VAV3: variants seen among roughly 807,000 people sequenced by gnomAD.
VAV3 encodes the protein guanine nucleotide exchange factor VAV3.
VAV3 carries 94 observed loss-of-function variants against 131.2 expected under a neutral mutation model. The observed-to-expected ratio is 0.72, with a 90% CI of 0.61 to 0.85. VAV3 has a LOEUF of 0.85. Ranked by LOEUF, VAV3 falls within the 40% of genes least tolerant of loss-of-function variation. The pLI is 0.00. For synonymous variants in VAV3, 349 were observed against 342.0 expected (o/e 1.02, Z -0.22); for missense variants, 939 against 1,002.7 (o/e 0.94, Z 0.86).
chr1:107,693,040 C>T (rs141577069), intron 17 of VAV3, among the ~76,000 whole-genome samples: 29 of 152,200 alleles, frequency 1.9e-4, no homozygotes, highest in East Asian at 1.5e-3. Context: ...ATTAGACCTT[C>T]GCGGTGGTGT....
At chr1:107,624,402 G>C (rs1162977136) in intron 20 of VAV3, among the ~76,000 whole-genome samples, 2 of 151,180 alleles carry the variant, frequency 1.3e-5, no homozygotes, top group Admixed American at 1.3e-4. Flanking sequence ...GTGTGTGTGT[G>C]TGTGTGTGTG....
chr1:107,946,936 T>C (rs1007467800), intron 1 of VAV3, among the ~76,000 whole-genome samples: 25 of 152,308 alleles, frequency 1.6e-4, no homozygotes, highest in African/African-American at 5.1e-4. Flanking sequence ...AGGCAGGAAT[T>C]TGTCATACTT....
At chr1:107,835,588 C>CA (rs1668440354) in intron 2 of VAV3, among the ~76,000 whole-genome samples, 1 of 152,182 alleles carries the variant, frequency 6.6e-6, no homozygotes, top group Admixed American at 6.5e-5. Context: ...GAACACTTAA[C>CA]AGCCCAATGA....
At chr1:107,688,317 G>A (rs754544722) in intron 18 of VAV3, 64 bp downstream of exon 18, 276 of 1,566,998 alleles carry the variant, frequency 1.8e-4, no homozygotes, top group Non-Finnish European at 2.3e-4. Flanking sequence ...GCCCAAGCCT[G>A]GTTAAGTTAG....
rs1654620385 is a variant in VAV3, at chr1:107,633,015, G to T, written c.1914+9604C>A. ...TCTTTTTGTCTAGAAAGAATAGGAG[G>T]CAGTAGTATTTAGTAAAAAATGGCA... On this transcript the variant is annotated intron_variant, in intron 20 of 26. Transcript: ENST00000370056. Among the ~76,000 whole-genome samples the T allele has an allele frequency of 1.3e-5, 2 of 152,274 alleles. 1 individual carries two copies. Among genetic ancestry groups the T allele is most frequent in the Middle Eastern group, 6.8e-3 (2 of 294 alleles).
At chr1:107,740,872 A>G (rs1300667410) in intron 15 of VAV3, among the ~76,000 whole-genome samples, 4 of 152,244 alleles carry the variant, frequency 2.6e-5, no homozygotes, top group African/African-American at 9.6e-5. Context: ...GACAGATACC[A>G]TATGGCCCAC....
At chr1:107,880,796 C>CAA (rs750966707) in intron 1 of VAV3, among the ~76,000 whole-genome samples, 6 of 86,546 alleles carry the variant, frequency 6.9e-5, no homozygotes, top group African/African-American at 1.1e-4. Context: ...ATTCTGTCTC[C>CAA]AAAAAAAAAA....
chr1:107,804,478 G>A (rs546428206), intron 2 of VAV3, among the ~76,000 whole-genome samples: 2 of 152,242 alleles, frequency 1.3e-5, no homozygotes, highest in African/African-American at 2.4e-5. Context: ...ATTTTACAGA[G>A]ATGACAACTT....
chr1:107,801,491 C>A (rs1165489399), intron 2 of VAV3, among the ~76,000 whole-genome samples: 2 of 152,008 alleles, frequency 1.3e-5, no homozygotes, highest in Non-Finnish European at 2.9e-5. Flanking sequence ...TGAACTGCAA[C>A]CTGAATTAAT....
chr1:107,944,482 T>C (rs1413040521), intron 1 of VAV3, among the ~76,000 whole-genome samples: 1 of 152,236 alleles, frequency 6.6e-6, no homozygotes, highest in Non-Finnish European at 1.5e-5. Context: ...ACCTCTCTTA[T>C]AACCTGAATT....
chr1:107,955,993 A>G (rs1674790500), intron 1 of VAV3, among the ~76,000 whole-genome samples: 1 of 152,288 alleles, frequency 6.6e-6, no homozygotes, highest in African/African-American at 2.4e-5. Context: ...ACATCAAATG[A>G]AGGGAACAAC....
chr1:107,847,335 CGCCA>C (rs1669015383), intron 2 of VAV3, among the ~76,000 whole-genome samples: 2 of 152,020 alleles, frequency 1.3e-5, no homozygotes, highest in South Asian at 4.2e-4. Flanking sequence ...GATCTAAAAT[CGCCA>C]CCCTAATATC....
At chr1:107,635,010 A>C (rs1264783291) in intron 20 of VAV3, among the ~76,000 whole-genome samples, 1 of 151,780 alleles carries the variant, frequency 6.6e-6, no homozygotes, top group African/African-American at 2.4e-5. Flanking sequence ...GAACACTTTT[A>C]CACTGTTGGT....
At chr1:107,689,148 T>C (rs966271243) in intron 17 of VAV3, among the ~76,000 whole-genome samples, 1 of 152,120 alleles carries the variant, frequency 6.6e-6, no homozygotes, top group African/African-American at 2.4e-5. Context: ...CTTGGAAAAC[T>C]GGTGGGCAGC....
chr1:107,944,329 C>A (rs1674145918), intron 1 of VAV3, among the ~76,000 whole-genome samples: 1 of 152,160 alleles, frequency 6.6e-6, no homozygotes, highest in Admixed American at 6.5e-5. Flanking sequence ...CCACTGCCAT[C>A]TTTGCAGGTA....
chr1:107,959,691 G>A (rs1674987270), intron 1 of VAV3, among the ~76,000 whole-genome samples: 1 of 152,034 alleles, frequency 6.6e-6, no homozygotes, highest in Non-Finnish European at 1.5e-5. Context: ...TACTCCCTGT[G>A]TGGTATCACC....
intron 2 of VAV3, among the ~76,000 whole-genome samples, chr1:107,829,375 C>T (rs983160227): frequency 1.4e-4 from 22 of 152,246 alleles, no homozygotes; most frequent in African/African-American, 5.3e-4. Context: ...TGTCAGCAAG[C>T]CATGTAAAAA....
At chr1:107,661,762 C>A (rs1254155096) in intron 19 of VAV3, among the ~76,000 whole-genome samples, 1 of 152,066 alleles carries the variant, frequency 6.6e-6, no homozygotes, top group Non-Finnish European at 1.5e-5. Flanking sequence ...GGCCATTCTG[C>A]GTGTATATGT....
chr1:107,755,318 C>A (rs972879398), intron 12 of VAV3, 109 bp downstream of exon 12: 1 of 846,678 alleles, frequency 1.2e-6, no homozygotes, highest in African/African-American at 1.7e-5. Flanking sequence ...CTGGCAACAA[C>A]CTCCAACAGT....
Sources: gnomAD v4.1 joint callset for allele counts (sites outside exome capture counted in the v4.1 genomes callset) on GRCh38, gnomAD v4.1.1 for gene constraint, MANE v1.5 for transcripts, NCBI Gene and HGNC (gene_info 2026-07-23, HGNC 2026-07-21) for gene names.